The following RIC1 variants were observed in gnomAD, a reference collection of about 807,000 sequenced individuals.
RIC1 encodes RIC1 partner of RAB6A GEF complex, also known as guanine nucleotide exchange factor subunit RIC1.
In RIC1, 88 loss-of-function variants were observed where a neutral mutation model predicts 169.0. The ratio of observed to expected loss-of-function variants is 0.52; its 90% CI spans 0.44 to 0.62. The LOEUF (loss-of-function observed/expected upper bound fraction) is 0.62. Ranked by LOEUF, RIC1 falls within the 20% of genes least tolerant of loss-of-function variation. RIC1 has a pLI of 0.00. For synonymous variants in RIC1, 790 were observed against 601.5 expected, an observed-to-expected ratio of 1.31 and a Z score of -4.59; for missense variants, 1,877 against 1,725.5, an observed-to-expected ratio of 1.09 and a Z score of -1.56.
At chr9:5,667,964 C>T (rs1819879560) in intron 2 of RIC1, among the ~76,000 whole-genome samples, 1 of 152,178 alleles carries the variant, frequency 6.6e-6, no homozygotes, top group Non-Finnish European at 1.5e-5. Flanking sequence ...CTATAAAGAA[C>T]TGCCCAAGAC....
intron 1 of RIC1, among the ~76,000 whole-genome samples, chr9:5,640,655 T>C (rs1368609366): frequency 6.6e-6 from 1 of 152,220 alleles, no homozygotes; most frequent in African/African-American, 2.4e-5. Flanking sequence ...GTTATACTCT[T>C]CTGTGTTTTT....
chr9:5,652,142 G>A lies in RIC1; in HGVS notation c.145-4441G>A, dbSNP rs940772223. On this transcript the variant is annotated intron_variant, in intron 1 of 25. Transcript: ENST00000414202. ...GTAGTATATTTTGAAGTCAGGTAGT[G>A]TAATTCCACTAACTTTGTTATTTTT... 5.3e-5 allele frequency among the ~76,000 whole-genome samples: 8 copies of A among 152,290 alleles called. No individual in the cohort carries two copies. The East Asian group carries it at 1.2e-3, about 22-fold the overall frequency.
intron 3 of RIC1, among the ~76,000 whole-genome samples, chr9:5,703,291 G>A (rs534366252): frequency 6.6e-6 from 1 of 152,182 alleles, no homozygotes; most frequent in Admixed American, 6.5e-5. Flanking sequence ...TATAAGCCCC[G>A]TGCAGATCTG....
intron 8 of RIC1, 106 bp from the exon 9 acceptor site, chr9:5,742,763 C>G: frequency 1.0e-6 from 1 of 995,616 alleles, no homozygotes; most frequent in Non-Finnish European, 1.5e-6. Context: ...TCATACCTTT[C>G]TACTCATTTA....
chr9:5,701,679 G>T (rs1027832233), intron 3 of RIC1, among the ~76,000 whole-genome samples: 5 of 151,644 alleles, frequency 3.3e-5, no homozygotes, highest in Non-Finnish European at 7.4e-5. Flanking sequence ...ACCTTGTATA[G>T]TTTAACTTAA....
At chr9:5,654,110 C>G (rs1344320102) in intron 1 of RIC1, among the ~76,000 whole-genome samples, 42 of 152,140 alleles carry the variant, frequency 2.8e-4, no homozygotes, top group Non-Finnish European at 5.9e-5. Context: ...AGCAATCTCC[C>G]ACTTCAGCCT....
chr9:5,669,105 C>T (rs147603967), intron 2 of RIC1, among the ~76,000 whole-genome samples: 299 of 152,206 alleles, frequency 2.0e-3, no homozygotes, highest in African/African-American at 6.6e-3. Context: ...ACTCTTTTTG[C>T]ATAGTATGTA....
chr9:5,657,593 C>G (rs1819176142), intron 2 of RIC1, among the ~76,000 whole-genome samples: 1 of 152,108 alleles, frequency 6.6e-6, no homozygotes, highest in Non-Finnish European at 1.5e-5. Context: ...CTTAGCTACT[C>G]AGCTTCCATT....
At chr9:5,659,816 T>G (rs981027725) in intron 2 of RIC1, among the ~76,000 whole-genome samples, 5 of 152,224 alleles carry the variant, frequency 3.3e-5, no homozygotes, top group Non-Finnish European at 7.4e-5. Flanking sequence ...AGTTGTTCAT[T>G]CCAAGTGTGT....
chr9:5,715,881 TGGCACAATCACAGCTAATTGCAGC>T (rs920094059), intron 4 of RIC1, among the ~76,000 whole-genome samples: 1 of 148,380 alleles, frequency 6.7e-6, no homozygotes, highest in Non-Finnish European at 1.5e-5. Flanking sequence ...TGAAGTGCAG[TGGCACAATCACAGCTAATTGCAGC>T]GGCATGATCA....
Position 5,642,100 on chromosome 9 carries a change from G to T in RIC1, c.144+12647G>T, listed in dbSNP as rs778285957. ...TCTTTCCAGTTATTCGAAGGGACTT[G>T]GGCCCCAAGCCCAATAATGCTGAGG... is the stretch of plus-strand genomic sequence containing the variant. On this transcript the variant is annotated intron_variant, in intron 1 of 25. Transcript: ENST00000414202. Among the ~76,000 whole-genome samples, 269 of 144,904 alleles carry T rather than the reference G, an allele frequency of 1.9e-3. 25 individuals are homozygous for T. The highest frequency in any genetic ancestry group is 6.9e-3 in the Middle Eastern group (2 of 290).
intron 1 of RIC1, among the ~76,000 whole-genome samples, chr9:5,632,414 C>G (rs1817761300): frequency 6.6e-6 from 1 of 152,156 alleles, no homozygotes; most frequent in Non-Finnish European, 1.5e-5. Context: ...GTCCTCTATT[C>G]TAAGTAGGTA....
In RIC1 at chr9:5,636,458, T is replaced by G. The variant is rs1467874277; in HGVS notation, c.144+7005T>G. ...CCCCAGCCTCCTGAGTAGCTGGGAT[T>G]ACAGGTGCCTGCCACCATACCCGGC... On this transcript the variant is annotated intron_variant, in intron 1 of 25. Transcript: ENST00000414202. 5.3e-5 allele frequency among the ~76,000 whole-genome samples: 8 copies of G among 152,092 alleles called. No homozygotes were observed. In the East Asian group the frequency reaches 1.5e-3, roughly 29 times the overall value.
chr9:5,774,244 T>A lies in RIC1; in HGVS notation c.4270T>A (p.Ter1424LysextTer2). Residue 1424 changes from the stop codon to lysine (K), a stop_lost, in exon 26 of 26, where the codon TAA (stop) becomes AAA (lysine). Transcript: ENST00000414202. ...TGGGACTTACGACTGTTCTGTGTCC[T>A]AACAGTGAGGTTCCATCACAAAGGG... ...QDGTYDCSVS[*>K] The A allele has an allele frequency of 6.2e-7, 1 of 1,600,026 alleles. No individual in the cohort carries two copies. The highest frequency in any genetic ancestry group is 8.5e-7 in the Non-Finnish European group (1 of 1,172,344).
chr9:5,744,634 TAAAAC>T (rs1160834573), intron 10 of RIC1, among the ~76,000 whole-genome samples: 1 of 152,160 alleles, frequency 6.6e-6, no homozygotes, highest in African/African-American at 2.4e-5. Context: ...ATTTTGTACA[TAAAAC>T]AAAATTTTGA....
intron 1 of RIC1, among the ~76,000 whole-genome samples, chr9:5,633,242 T>C (rs189453912): frequency 3.3e-5 from 5 of 152,160 alleles, no homozygotes; most frequent in East Asian, 1.9e-4. Flanking sequence ...TGTGATTAAC[T>C]GTGTTGACCT....
At chr9:5,718,098 C>G (rs1222913510) in intron 4 of RIC1, among the ~76,000 whole-genome samples, 1 of 129,256 alleles carries the variant, frequency 7.7e-6, no homozygotes, top group Non-Finnish European at 1.5e-5. Context: ...TGAGATGGTA[C>G]CACTGCACTC....
intron 1 of RIC1, among the ~76,000 whole-genome samples, chr9:5,637,361 A>T (rs898451174): frequency 1.3e-5 from 2 of 152,082 alleles, no homozygotes; most frequent in African/African-American, 4.8e-5. Flanking sequence ...GAGCCACTAT[A>T]CCCAGCCATG....
intron 2 of RIC1, among the ~76,000 whole-genome samples, chr9:5,661,349 G>C (rs1403199322): frequency 6.6e-6 from 1 of 152,060 alleles, no homozygotes; most frequent in East Asian, 1.9e-4. Flanking sequence ...TTTTAAAATA[G>C]CTTTTTTCTA....
Sources: allele counts gnomAD v4.1 joint callset (sites outside exome capture counted in the v4.1 genomes callset), GRCh38; gene constraint gnomAD v4.1.1; transcripts MANE v1.5; gene names NCBI Gene and HGNC (gene_info 2026-07-23, HGNC 2026-07-21).